Variants in DGKI observed in about 807,000 individuals in gnomAD.
DGKI encodes DAG kinase iota.
In DGKI, 55 loss-of-function variants were observed where a neutral mutation model predicts 147.5. That is an observed-to-expected ratio of 0.37 (90% confidence interval 0.30 to 0.47). The LOEUF is 0.47. Ranked by LOEUF, DGKI falls within the 20% of genes least tolerant of loss-of-function variation. The pLI is 1.00. For synonymous variants in DGKI, 469 were observed against 477.1 expected (o/e 0.98, Z 0.22); for missense variants, 1,007 against 1,323.8 (o/e 0.76, Z 3.71).
chr7:137,567,307 C>A (rs1818621620), intron 19 of DGKI, among the ~76,000 whole-genome samples: 1 of 151,556 alleles, frequency 6.6e-6, no homozygotes, highest in Non-Finnish European at 1.5e-5. Context: ...ATTTTGCAAC[C>A]CTTAATGTTT....
chr7:137,545,797 T>C, intron 20 of DGKI: 1 of 547,660 alleles, frequency 1.8e-6, no homozygotes, highest in Non-Finnish European at 3.3e-6. Flanking sequence ...GGTGGCTTCC[T>C]TATCTGACGA....
intron 1 of DGKI, among the ~76,000 whole-genome samples, chr7:137,701,365 T>TTAA (rs35951392): frequency 0.51 from 77,329 of 150,736 alleles, 22,269 homozygotes; most frequent in African/African-American, 0.79. Context: ...GAAAATAAAG[T>TTAA]TAATAATAAT....
intron 1 of DGKI, among the ~76,000 whole-genome samples, chr7:137,703,966 T>C (rs1001045953): frequency 6.6e-6 from 1 of 152,160 alleles, no homozygotes; most frequent in African/African-American, 2.4e-5. Context: ...ACCCCAGCAC[T>C]TTGGGAGGCT....
At chr7:137,486,726 A>G (rs73445401) in intron 22 of DGKI, among the ~76,000 whole-genome samples, 1,592 of 152,226 alleles carry the variant, frequency 0.01, 28 homozygotes, top group African/African-American at 0.036. Flanking sequence ...ATTCAGGGTG[A>G]AGTGGTTACA....
chr7:137,774,594 C>T (rs1796306911), intron 1 of DGKI: 1 of 152,182 alleles, frequency 6.6e-6, no homozygotes, highest in Non-Finnish European at 1.5e-5. Flanking sequence ...TTGAACTCAA[C>T]CTTCGCCCCA....
chr7:137,683,408 C>A (rs1396553432), intron 2 of DGKI, among the ~76,000 whole-genome samples: 1 of 151,904 alleles, frequency 6.6e-6, no homozygotes, highest in African/African-American at 2.4e-5. Context: ...CAGGGCCTTG[C>A]TCTGTTGCCC....
chr7:137,532,438 G>GA (rs1452800950), intron 20 of DGKI, among the ~76,000 whole-genome samples: 17 of 152,138 alleles, frequency 1.1e-4, no homozygotes, highest in Non-Finnish European at 2.1e-4. Flanking sequence ...GAGTATCAGA[G>GA]AAAAAATTAT....
chr7:137,520,556 T>C lies in DGKI; in HGVS notation c.2248+1310A>G, dbSNP rs192118855. Among the ~76,000 whole-genome samples, 909 of 152,048 alleles carry C rather than the reference T, an allele frequency of 6.0e-3. 5 individuals carry two copies. Among genetic ancestry groups the C allele is most frequent in the South Asian group, 0.012 (56 of 4,818 alleles). On this transcript the variant is annotated intron_variant, in intron 21 of 32. Coordinates refer to ENST00000614521, the MANE Select transcript of DGKI (RefSeq NM_001321708.2). Reference sequence around the variant, plus strand: ...TCCTCCTCCAGCTCACACTTTCCTATAAAAGGAAATGAGGGTAAAGTATGG... The same window carrying C: ...TCCTCCTCCAGCTCACACTTTCCTACAAAAGGAAATGAGGGTAAAGTATGG...
Position 137,570,481 on chromosome 7 carries a change from T to A in DGKI, c.1947+694A>T, listed in dbSNP as rs866751. ...ATTTTACTCATAAGTAAGACGGATA[T>A]CCACAAGTTGCTACTGTCTCTTTTT... On this transcript the variant is annotated intron_variant, in intron 19 of 32. Coordinates refer to ENST00000614521, the MANE Select transcript of DGKI (RefSeq NM_001321708.2). 2.6e-5 allele frequency among the ~76,000 whole-genome samples: 4 copies of A among 152,292 alleles called. No individual in the cohort carries two copies. The East Asian group carries it at 7.7e-4, about 29-fold the overall frequency.
At chr7:137,664,395 A>AAAAAAAG in intron 3 of DGKI, among the ~76,000 whole-genome samples, 1 of 138,290 alleles carries the variant, frequency 7.2e-6, no homozygotes, top group South Asian at 2.1e-4. Flanking sequence ...AAAAAAAAAA[A>AAAAAAAG]AAAGAAAGAA....
At chr7:137,665,138 G>T (rs981826686) in intron 3 of DGKI, among the ~76,000 whole-genome samples, 3 of 152,212 alleles carry the variant, frequency 2.0e-5, no homozygotes, top group Admixed American at 1.3e-4. Flanking sequence ...TGTGTTGCAG[G>T]TCGTGGTTAA....
chr7:137,534,944 G>T (rs566349676), intron 20 of DGKI, among the ~76,000 whole-genome samples: 3 of 152,228 alleles, frequency 2.0e-5, no homozygotes, highest in Non-Finnish European at 2.9e-5. Context: ...TATAAAGAGG[G>T]AATTTGGACA....
At chr7:137,465,827 G>A in intron 26 of DGKI, 81 bp downstream of exon 26, 2 of 1,515,988 alleles carry the variant, frequency 1.3e-6, no homozygotes, top group East Asian at 2.3e-5. Context: ...GATGTCATTA[G>A]AACGATGTCA....
intron 5 of DGKI, among the ~76,000 whole-genome samples, chr7:137,653,668 C>G (rs1481439113): frequency 6.6e-6 from 1 of 152,204 alleles, no homozygotes; most frequent in Non-Finnish European, 1.5e-5. Flanking sequence ...TTCTCTGACC[C>G]CTCTCCTCTC....
At chr7:137,806,171 G>A (rs1386362368) in intron 1 of DGKI, among the ~76,000 whole-genome samples, 4 of 152,186 alleles carry the variant, frequency 2.6e-5, no homozygotes, top group South Asian at 2.1e-4. Context: ...CAGGGGAAAC[G>A]AGAAAAACGG....
chr7:137,413,298 T>C (rs1002473783), intron 28 of DGKI, among the ~76,000 whole-genome samples: 1 of 151,966 alleles, frequency 6.6e-6, no homozygotes, highest in Non-Finnish European at 1.5e-5. Context: ...TTCATTTTTA[T>C]TTTAGATTCA....
rs373169464 is a variant in DGKI at position 137,585,413 on chromosome 7, C to T, written c.1426-67G>A. On this transcript the variant is annotated intron_variant, in intron 13 of 32. Coordinates refer to ENST00000614521, the MANE Select transcript of DGKI (RefSeq NM_001321708.2). ...GAACAGTGAAGCCAATGCTATTTTA[C>T]GCAAGGAAGAGCCAAGCCGTTATAT... 191 of 1,550,578 alleles carry T rather than the reference C, an allele frequency of 1.2e-4. 2 individuals carry two copies. In the Admixed American group the frequency reaches 3.2e-3, roughly 26 times the overall value.
At chr7:137,413,446 T>A (rs2128902079) in intron 28 of DGKI, among the ~76,000 whole-genome samples, 1 of 152,228 alleles carries the variant, frequency 6.6e-6, no homozygotes, top group Middle Eastern at 3.4e-3. Flanking sequence ...CCCTGTCTCC[T>A]TCTAGAGTTC....
chr7:137,666,031 T>C (rs1822628423), intron 3 of DGKI, among the ~76,000 whole-genome samples: 1 of 152,230 alleles, frequency 6.6e-6, no homozygotes, highest in Non-Finnish European at 1.5e-5. Context: ...ACATCCATCG[T>C]GTTTTGAGCA....
Sources: gnomAD v4.1 joint callset for allele counts (sites outside exome capture counted in the v4.1 genomes callset) on GRCh38, gnomAD v4.1.1 for gene constraint, MANE v1.5 for transcripts, NCBI Gene and HGNC (gene_info 2026-07-23, HGNC 2026-07-21) for gene names.